The following CCDC85A variants were observed in gnomAD, a reference collection of about 807,000 sequenced individuals.
CCDC85A encodes the protein coiled-coil domain containing 85A, also known as coiled-coil domain-containing protein 85A.
Under a neutral mutation model 50.2 loss-of-function variants are expected in CCDC85A, and 38 were observed. That is an observed-to-expected ratio of 0.76 (90% CI 0.58 to 0.99). The LOEUF (loss-of-function observed/expected upper bound fraction) is 0.99. CCDC85A is among the 50% of genes least tolerant of loss of function. The pLI is 0.00. For missense variants in CCDC85A, 820 were observed against 742.0 expected (o/e 1.11, Z -1.22); for synonymous variants, 366 against 301.4 (o/e 1.21, Z -2.22).
intron 2 of CCDC85A, among the ~76,000 whole-genome samples, chr2:56,313,944 T>A (rs375549658): frequency 4.0e-5 from 6 of 149,116 alleles, no homozygotes; most frequent in African/African-American, 1.5e-4. Context: ...GATAGTGTTG[T>A]TGTAAGCAGG....
At chr2:56,379,378 A>T (rs1450698859) in intron 5 of CCDC85A, among the ~76,000 whole-genome samples, 10 of 152,204 alleles carry the variant, frequency 6.6e-5, no homozygotes, top group Non-Finnish European at 1.2e-4. Flanking sequence ...CATTTGGCAC[A>T]TAGTTAATTA....
intron 3 of CCDC85A, among the ~76,000 whole-genome samples, chr2:56,366,907 C>A (rs910970587): frequency 6.6e-6 from 1 of 152,054 alleles, no homozygotes; most frequent in African/African-American, 2.4e-5. Flanking sequence ...TCTCTTTTAT[C>A]TTTTTATCTA....
intron 2 of CCDC85A, chr2:56,235,325 G>T (rs140024267): frequency 6.6e-6 from 1 of 152,248 alleles, no homozygotes; most frequent in East Asian, 1.9e-4. Context: ...TGGTGTGACC[G>T]CAGACAGCAT....
At chr2:56,222,429 A>G (rs1386028812) in intron 2 of CCDC85A, among the ~76,000 whole-genome samples, 2 of 152,142 alleles carry the variant, frequency 1.3e-5, no homozygotes, top group Non-Finnish European at 2.9e-5. Flanking sequence ...AAAGACGTGG[A>G]ATGCATCTGA....
At chr2:56,284,520 G>A (rs1671342778) in intron 2 of CCDC85A, among the ~76,000 whole-genome samples, 1 of 152,022 alleles carries the variant, frequency 6.6e-6, no homozygotes, top group African/African-American at 2.4e-5. Flanking sequence ...TTACAGGTGT[G>A]CACCACCAGG....
At chr2:56,321,059 A>G (rs961261849) in intron 2 of CCDC85A, among the ~76,000 whole-genome samples, 4 of 152,188 alleles carry the variant, frequency 2.6e-5, no homozygotes, top group African/African-American at 9.7e-5. Context: ...ATCTCAACAG[A>G]TGCAGAAAAG....
chr2:56,249,380 A>T (rs1669650454), intron 2 of CCDC85A, among the ~76,000 whole-genome samples: 2 of 152,214 alleles, frequency 1.3e-5, no homozygotes, highest in South Asian at 4.1e-4. Flanking sequence ...GCCCAGTGAG[A>T]TGCTAGAAGG....
chr2:56,273,679 G>A lies in CCDC85A; in HGVS notation c.1241-69200G>A, dbSNP rs565878567. The stretch of plus-strand genomic sequence containing the variant: ...TGAACCAAGAAAAAAGGAGAACATG[G>A]GTTTCAGAATATATATATATATATA... On this transcript the variant is annotated intron_variant, in intron 2 of 5. Coordinates refer to ENST00000407595, the MANE Select transcript of CCDC85A (RefSeq NM_001080433.2). Among the ~76,000 whole-genome samples, 475 of 130,616 alleles carry A rather than the reference G, an allele frequency of 3.6e-3. 4 individuals carry two copies. Among genetic ancestry groups the A allele is most frequent in the African/African-American group, 0.013 (452 of 35,260 alleles). 85.7% of individuals were successfully genotyped at this position (130,616 alleles called of 152,430 possible).
At chr2:56,332,385 C>T (rs1284219751) in intron 2 of CCDC85A, among the ~76,000 whole-genome samples, 2 of 152,072 alleles carry the variant, frequency 1.3e-5, no homozygotes, top group Non-Finnish European at 2.9e-5. Context: ...ACGCAGGCAC[C>T]CATAGATTTG....
At chr2:56,351,884 T>C (rs1392353212) in intron 3 of CCDC85A, among the ~76,000 whole-genome samples, 1 of 152,172 alleles carries the variant, frequency 6.6e-6, no homozygotes, top group Non-Finnish European at 1.5e-5. Context: ...ATTTTGGCTT[T>C]TGTTGCCATT....
At chr2:56,230,212 C>G (rs1668719421) in intron 2 of CCDC85A, among the ~76,000 whole-genome samples, 1 of 152,182 alleles carries the variant, frequency 6.6e-6, no homozygotes, top group Non-Finnish European at 1.5e-5. Context: ...TGCACAATTA[C>G]TTACACTAAT....
At chr2:56,319,472 A>G (rs1281114420) in intron 2 of CCDC85A, among the ~76,000 whole-genome samples, 1 of 152,136 alleles carries the variant, frequency 6.6e-6, no homozygotes, top group Non-Finnish European at 1.5e-5. Context: ...ACAAATTTCA[A>G]AAAGAACTCA....
At chr2:56,300,028 G>A (rs187498423) in intron 2 of CCDC85A, among the ~76,000 whole-genome samples, 62 of 152,232 alleles carry the variant, frequency 4.1e-4, no homozygotes, top group African/African-American at 1.5e-3. Flanking sequence ...GTGACAAAAC[G>A]GTGTATGCTA....
intron 4 of CCDC85A, among the ~76,000 whole-genome samples, chr2:56,373,643 T>C (rs1176269083): frequency 1.3e-5 from 2 of 152,096 alleles, no homozygotes; most frequent in Non-Finnish European, 2.9e-5. Flanking sequence ...GATTTGAAAG[T>C]AAAAACAGGA....
At chr2:56,339,674 A>G (rs77029056) in intron 2 of CCDC85A, among the ~76,000 whole-genome samples, 1,848 of 152,304 alleles carry the variant, frequency 0.012, 41 homozygotes, top group African/African-American at 0.042. Context: ...AAAAGAAAAT[A>G]ACTTTATTTT....
At chr2:56,183,892 C>T, upstream of CCDC85A, 1 of 985,382 alleles carries the variant, frequency 1.0e-6, no homozygotes, top group Non-Finnish European at 1.2e-6. Flanking sequence ...GGGCAGCGGT[C>T]GAGTGGCAGC....
At chr2:56,287,298 C>T (rs576550294) in intron 2 of CCDC85A, among the ~76,000 whole-genome samples, 3 of 152,300 alleles carry the variant, frequency 2.0e-5, no homozygotes, top group Non-Finnish European at 2.9e-5. Flanking sequence ...CTGGTTGCTT[C>T]AGTGGCTGCG....
intron 3 of CCDC85A, among the ~76,000 whole-genome samples, chr2:56,368,733 C>G (rs10171458): frequency 2.0e-5 from 3 of 151,718 alleles, no homozygotes; most frequent in Non-Finnish European, 4.4e-5. Context: ...AAGTGAGAAA[C>G]TATTTTATGT....
chr2:56,352,763 G>A (rs991347245), intron 3 of CCDC85A, among the ~76,000 whole-genome samples: 4 of 152,130 alleles, frequency 2.6e-5, no homozygotes, highest in African/African-American at 7.2e-5. Context: ...ATAGTAATTC[G>A]GAGAGGCACT....
Sources: allele counts gnomAD v4.1 joint callset (sites outside exome capture counted in the v4.1 genomes callset), GRCh38; gene constraint gnomAD v4.1.1; transcripts MANE v1.5; gene names NCBI Gene and HGNC (gene_info 2026-07-23, HGNC 2026-07-21).